Variants in OGA observed in about 807,000 individuals in gnomAD.
OGA encodes protein O-GlcNAcase.
In OGA, 21 loss-of-function variants were observed where a neutral mutation model predicts 102.0. The ratio of observed to expected loss-of-function variants is 0.21; its 90% CI spans 0.15 to 0.30. The LOEUF (loss-of-function observed/expected upper bound fraction) is 0.30. Ranked by LOEUF, OGA falls within the 10% of genes least tolerant of loss-of-function variation. The pLI is 1.00. For synonymous variants in OGA, 408 were observed against 378.2 expected (o/e 1.08, Z -0.91); for missense variants, 765 against 1,107.8 (o/e 0.69, Z 4.39).
At position 101,786,330 on chromosome 10, in the gene OGA, T is replaced by C. The variant is rs2065189809; in HGVS notation, c.*121A>G. On this transcript the variant is annotated 3_prime_UTR_variant, in exon 16 of 16. Transcript: ENST00000361464. The stretch of plus-strand genomic sequence containing the variant: ...TGGGTGAGTTTTACATAGTCTTCTT[T>C]GTTTCGAATCCAATTGGCTGATTTG... 1 of 1,067,918 alleles carries C rather than the reference T, an allele frequency of 9.4e-7. No individual in the cohort carries two copies. Among genetic ancestry groups the C allele is most frequent in the Non-Finnish European group, 1.3e-6 (1 of 782,102 alleles). 66.2% of individuals were successfully genotyped at this position (1,067,918 alleles called of 1,614,324 possible). A position where few individuals can be genotyped will look rare whatever the true frequency, so the allele number is the denominator to read the frequency against.
intron 14 of OGA, among the ~76,000 whole-genome samples, 175 bp downstream of exon 14, chr10:101,790,721 T>C (rs1305102406): frequency 6.6e-6 from 1 of 152,214 alleles, no homozygotes; most frequent in Non-Finnish European, 1.5e-5. Context: ...GTGAAAAATG[T>C]CATGCTAAGA....
chr10:101,799,317 C>G lies in OGA; in HGVS notation c.1334G>C (p.Ser445Thr). Residue 445 changes from serine to threonine, a missense_variant, in exon 9 of 16, where the codon AGT becomes ACT. Coordinates refer to ENST00000361464, the MANE Select transcript of OGA (RefSeq NM_012215.5). ...CTTGGTCAGAGTAGTAGGCTCACCA[C>G]TCAAGGCTGCTCCCTGGCTCATAAT... ...EPIMSQGAAL[S>T]GEPTTLTKEE... 6.2e-7 allele frequency: 1 copy of G among 1,614,158 alleles called. No individual in the cohort carries two copies. The highest frequency in any genetic ancestry group is 8.5e-7 in the Non-Finnish European group (1 of 1,180,030).
At chr10:101,809,191 A>G (rs2065515837) in intron 4 of OGA, among the ~76,000 whole-genome samples, 1 of 152,168 alleles carries the variant, frequency 6.6e-6, no homozygotes, top group South Asian at 2.1e-4. Flanking sequence ...AATTCAAGCC[A>G]AGCAGCCTAG....
chr10:101,809,903 C>T (rs538645472), intron 4 of OGA, among the ~76,000 whole-genome samples: 1 of 151,760 alleles, frequency 6.6e-6, no homozygotes, highest in South Asian at 2.1e-4. Context: ...ATTAGCCAGG[C>T]ATGATGGCAC....
At chr10:101,807,324 A>G (rs2065489593) in intron 5 of OGA, among the ~76,000 whole-genome samples, 3 of 152,218 alleles carry the variant, frequency 2.0e-5, no homozygotes, top group Admixed American at 2.0e-4. Context: ...ACTACTTGAA[A>G]TAAGAGCCCA....
At chr10:101,792,026 T>A (rs1202481766) in intron 12 of OGA, among the ~76,000 whole-genome samples, 1 of 151,434 alleles carries the variant, frequency 6.6e-6, no homozygotes. Flanking sequence ...TATTATTTTT[T>A]TTTTTTTTTG....
At position 101,799,024 on chromosome 10, in the gene OGA, T is replaced by G. The variant is rs1205015246; in HGVS notation, c.1627A>C (p.Asn543His). The change falls in exon 9 of 16, where the codon AAT (asparagine) becomes CAT (histidine). Residue 543 changes from asparagine to histidine, a missense_variant. By Grantham distance (68) the Asn-to-His change is moderately conservative. Around this residue, in one of 7 missense-constraint regions of OGA, gnomAD observed 281 missense variants for 345.8 expected, o/e 0.81. Transcript: ENST00000361464. ...TNKEQFVPGP[N>H]EKPLYTAEPV... Reference sequence around the variant, plus strand: ...TCCGCAGTGTACAAAGGCTTTTCATTTGGACCTGGCACAAACTGCTCCTTG... The same window carrying G: ...TCCGCAGTGTACAAAGGCTTTTCATGTGGACCTGGCACAAACTGCTCCTTG... The G allele has an allele frequency of 1.2e-6, 2 of 1,614,080 alleles. No individual in the cohort carries two copies.
intron 2 of OGA, 59 bp from the exon 3 acceptor site, chr10:101,813,186 T>A: frequency 9.4e-7 from 1 of 1,068,586 alleles, no homozygotes; most frequent in Non-Finnish European, 1.4e-6. Flanking sequence ...GCTGTCAATC[T>A]CCATTTCCCT....
intron 10 of OGA, 67 bp from the exon 11 acceptor site, chr10:101,794,065 A>C (rs2065288724): frequency 5.3e-6 from 6 of 1,135,686 alleles, no homozygotes; most frequent in Middle Eastern, 2.0e-4. Context: ...TCAAATGTCC[A>C]ACAAACTGAC....
intron 3 of OGA, 194 bp downstream of exon 3, chr10:101,812,836 A>C (rs746648199): frequency 6.1e-6 from 4 of 655,344 alleles, no homozygotes; most frequent in Non-Finnish European, 1.1e-5. Flanking sequence ...CCATGATATC[A>C]CACATATGGT....
chr10:101,795,889 CTGTAAGAGCTTGAGATTG>C, intron 10 of OGA: 1 of 980,180 alleles, frequency 1.0e-6, no homozygotes, highest in Non-Finnish European at 1.2e-6. Flanking sequence ...GACAAGCTTG[CTGTAAGAGCTTGAGATTG>C]TGTAAGAGGT....
intron 10 of OGA, among the ~76,000 whole-genome samples, chr10:101,795,494 GGAA>G (rs2065303647): frequency 6.6e-6 from 1 of 152,134 alleles, no homozygotes. Flanking sequence ...TACACAATGG[GGAA>G]GAAGATAATA....
At chr10:101,814,683 A>C (rs147966748) in intron 1 of OGA, among the ~76,000 whole-genome samples, 14 of 152,350 alleles carry the variant, frequency 9.2e-5, no homozygotes, top group African/African-American at 3.4e-4. Context: ...AACTGGCCCA[A>C]ACAACAAACT....
intron 6 of OGA, among the ~76,000 whole-genome samples, chr10:101,804,909 T>C (rs1308649751): frequency 6.6e-6 from 1 of 152,226 alleles, no homozygotes; most frequent in Non-Finnish European, 1.5e-5. Context: ...AATTTTTCTT[T>C]TGAAAACACA....
At chr10:101,788,629 G>A (rs963329144) in intron 14 of OGA, among the ~76,000 whole-genome samples, 2 of 151,872 alleles carry the variant, frequency 1.3e-5, no homozygotes, top group Non-Finnish European at 2.9e-5. Context: ...CGACTACTCG[G>A]GAGGCTGAGG....
chr10:101,791,100 G>A lies in OGA; in HGVS notation c.2262-12C>T. 2.5e-6 allele frequency: 4 copies of A among 1,583,090 alleles called. No homozygotes were observed. Among genetic ancestry groups the A allele is most frequent in the East Asian group, 2.2e-5 (1 of 44,650 alleles). On this transcript the variant is annotated splice_polypyrimidine_tract_variant and intron_variant, in intron 13 of 15. Transcript: ENST00000361464. ...GCCCTCCTACTAACCTGCTCAGAAG[G>A]AAAGAGGCCACAGTAAACTTTTCAG...
intron 10 of OGA, among the ~76,000 whole-genome samples, chr10:101,796,148 GA>G (rs1342686491): frequency 6.6e-6 from 1 of 152,170 alleles, no homozygotes; most frequent in Non-Finnish European, 1.5e-5. Flanking sequence ...CTATAAGAAT[GA>G]ATTATAAGAA....
chr10:101,793,075 A>G, intron 11 of OGA, 132 bp from the exon 12 acceptor site: 1 of 605,970 alleles, frequency 1.7e-6, no homozygotes, highest in East Asian at 2.8e-5. Flanking sequence ...GGGGTGTACT[A>G]TGCTTTACTA....
At chr10:101,807,983 A>G (rs969622325) in intron 4 of OGA, 82 bp from the exon 5 acceptor site, 1 of 1,135,426 alleles carries the variant, frequency 8.8e-7, no homozygotes, top group Non-Finnish European at 1.2e-6. Context: ...TATACTTAAA[A>G]TCCAGTATTT....
Sources: allele counts gnomAD v4.1 joint callset (sites outside exome capture counted in the v4.1 genomes callset), GRCh38; gene constraint gnomAD v4.1.1; regional missense constraint gnomAD v4.1.1; transcripts MANE v1.5; gene names NCBI Gene and HGNC (gene_info 2026-07-23, HGNC 2026-07-21).